LRMDA: variants seen among roughly 807,000 people sequenced by gnomAD.
The protein encoded by LRMDA is leucine-rich melanocyte differentiation-associated protein.
Under a neutral mutation model 29.8 loss-of-function variants are expected in LRMDA, and 18 were observed. The ratio of observed to expected loss-of-function variants is 0.60; its 90% confidence interval spans 0.42 to 0.90. LRMDA has a LOEUF of 0.90. Ranked by LOEUF, LRMDA falls within the 40% of genes least tolerant of loss-of-function variation. The pLI, the probability that LRMDA is intolerant of heterozygous loss-of-function variation, is 0.00. For synonymous variants in LRMDA, 125 were observed against 109.4 expected (o/e 1.14, Z -0.89); for missense variants, 273 against 273.9 (o/e 1.00, Z 0.02).
intron 2 of LRMDA, among the ~76,000 whole-genome samples, chr10:75,559,263 T>G (rs1165000705): frequency 6.6e-6 from 1 of 151,356 alleles, no homozygotes; most frequent in Non-Finnish European, 1.5e-5. Context: ...GGTTTTGATT[T>G]GCATTTCTCT....
chr10:76,244,697 G>T (rs527455606), intron 5 of LRMDA, among the ~76,000 whole-genome samples: 45 of 152,216 alleles, frequency 3.0e-4, no homozygotes, highest in Middle Eastern at 6.8e-3. Flanking sequence ...ACTCTGGGCT[G>T]CAGAAAGAAG....
At chr10:76,376,527 A>T (rs1053763643) in intron 6 of LRMDA, among the ~76,000 whole-genome samples, 2 of 152,198 alleles carry the variant, frequency 1.3e-5, no homozygotes, top group Non-Finnish European at 2.9e-5. Flanking sequence ...ACTGTGATAA[A>T]CATACAAGTG....
intron 2 of LRMDA, among the ~76,000 whole-genome samples, chr10:75,623,569 T>C (rs1236108230): frequency 6.6e-6 from 1 of 152,210 alleles, no homozygotes; most frequent in East Asian, 1.9e-4. Flanking sequence ...CTCAGCGTTT[T>C]CTTAAATTCG....
intron 5 of LRMDA, among the ~76,000 whole-genome samples, chr10:76,149,147 T>C (rs1232015379): frequency 6.6e-6 from 1 of 152,224 alleles, no homozygotes; most frequent in Non-Finnish European, 1.5e-5. Context: ...TCATCTTCCC[T>C]TAGGTGATTT....
At position 76,237,285 on chromosome 10, in the gene LRMDA, A is replaced by T. The variant is rs142575247; in HGVS notation, c.517-87116A>T. Among the ~76,000 whole-genome samples the T allele has an allele frequency of 4.2e-3, 638 of 152,358 alleles. 7 individuals carry two copies. The highest frequency in any genetic ancestry group is 0.014 in the African/African-American group (592 of 41,582). ...TATATATGTCAGATATTATACAAAA[A>T]TACATGTGTAGATAATTATACATAA... On this transcript the variant is annotated intron_variant, in intron 5 of 6. Coordinates refer to ENST00000611255, the MANE Select transcript of LRMDA (RefSeq NM_001305581.2).
intron 2 of LRMDA, among the ~76,000 whole-genome samples, chr10:75,704,526 C>CA (rs1842344387): frequency 6.6e-6 from 1 of 152,194 alleles, no homozygotes; most frequent in Admixed American, 6.5e-5. Flanking sequence ...CCCCACTCCT[C>CA]AAAAAAGTTC....
chr10:76,383,719 C>A (rs913912904), intron 6 of LRMDA, among the ~76,000 whole-genome samples: 1 of 151,986 alleles, frequency 6.6e-6, no homozygotes, highest in African/African-American at 2.4e-5. Context: ...CGTGAGCCAC[C>A]GCGCCCGGCC....
chr10:76,319,408 A>T (rs1365585465), intron 5 of LRMDA, among the ~76,000 whole-genome samples: 2 of 152,192 alleles, frequency 1.3e-5, no homozygotes, highest in Non-Finnish European at 2.9e-5. Context: ...CTACTGTTAT[A>T]GGTGTTTAGA....
chr10:75,904,083 G>C (rs2132368918), intron 2 of LRMDA, among the ~76,000 whole-genome samples: 1 of 152,344 alleles, frequency 6.6e-6, no homozygotes, highest in Non-Finnish European at 1.5e-5. Flanking sequence ...CTGTACAGTG[G>C]AGGCAGTGGC....
At chr10:75,760,665 T>G (rs1301457974) in intron 2 of LRMDA, among the ~76,000 whole-genome samples, 1 of 152,198 alleles carries the variant, frequency 6.6e-6, no homozygotes, top group Non-Finnish European at 1.5e-5. Flanking sequence ...TCTCTTCTGA[T>G]TGTCTCTCTC....
At chr10:75,973,903 C>T (rs182621960) in intron 2 of LRMDA, among the ~76,000 whole-genome samples, 1 of 152,242 alleles carries the variant, frequency 6.6e-6, no homozygotes, top group East Asian at 1.9e-4. Flanking sequence ...TGAATCTCTA[C>T]AAAAGGGGCC....
chr10:75,732,732 A>C (rs886796185), intron 2 of LRMDA, among the ~76,000 whole-genome samples: 1 of 152,126 alleles, frequency 6.6e-6, no homozygotes, highest in Non-Finnish European at 1.5e-5. Flanking sequence ...TCTGGACTAG[A>C]ATTGCACATA....
intron 2 of LRMDA, among the ~76,000 whole-genome samples, chr10:75,721,318 A>G (rs968513175): frequency 1.3e-5 from 2 of 152,202 alleles, no homozygotes; most frequent in African/African-American, 2.4e-5. Context: ...GTGATGACAC[A>G]GAGAAGGATT....
chr10:76,106,772 G>C (rs139728584), intron 5 of LRMDA, among the ~76,000 whole-genome samples: 31 of 152,314 alleles, frequency 2.0e-4, no homozygotes, highest in African/African-American at 7.5e-4. Context: ...TCTTCTGGAG[G>C]CTGCCAGATT....
At chr10:76,423,075 A>G (rs1245804562) in intron 6 of LRMDA, among the ~76,000 whole-genome samples, 1 of 152,094 alleles carries the variant, frequency 6.6e-6, no homozygotes, top group African/African-American at 2.4e-5. Flanking sequence ...AGGACAAAAA[A>G]CTCCACGAAG....
rs192658293 is a variant in LRMDA, at chr10:75,520,208, G to A, written c.131+81714G>A. 6.6e-5 allele frequency among the ~76,000 whole-genome samples: 10 copies of A among 152,224 alleles called. No individual in the cohort carries two copies. The East Asian group carries it at 1.9e-3, about 29-fold the overall frequency. On this transcript the variant is annotated intron_variant, in intron 2 of 6. Coordinates refer to ENST00000611255, the MANE Select transcript of LRMDA (RefSeq NM_001305581.2). The stretch of plus-strand genomic sequence containing the variant: ...CTTTGTGGTGTTCTCTGTATTTCCC[G>A]AATTTGAATGTTGGCCTGCCTTGGT...
At chr10:75,932,105 C>T (rs1447013126) in intron 2 of LRMDA, among the ~76,000 whole-genome samples, 3 of 152,206 alleles carry the variant, frequency 2.0e-5, no homozygotes, top group African/African-American at 7.2e-5. Flanking sequence ...TTTGGGTTCT[C>T]ATTTCAAGCT....
intron 2 of LRMDA, among the ~76,000 whole-genome samples, chr10:75,589,791 G>A (rs1430423970): frequency 1.3e-5 from 2 of 150,360 alleles, no homozygotes; most frequent in Non-Finnish European, 3.0e-5. Flanking sequence ...GAGAGAGAGA[G>A]AGTTTTTGGA....
chr10:75,763,723 T>A (rs1373545425), intron 2 of LRMDA, among the ~76,000 whole-genome samples: 1 of 149,198 alleles, frequency 6.7e-6, no homozygotes, highest in Non-Finnish European at 1.5e-5. Flanking sequence ...TTGGCAGGTG[T>A]TGGGGAGGTG....
Sources: allele counts gnomAD v4.1 joint callset (sites outside exome capture counted in the v4.1 genomes callset), GRCh38; gene constraint gnomAD v4.1.1; transcripts MANE v1.5; gene names NCBI Gene and HGNC (gene_info 2026-07-23, HGNC 2026-07-21).